The following INPP5A variants were observed in gnomAD, a reference collection of about 807,000 sequenced individuals.
The protein encoded by INPP5A is 43 kDa inositol polyphosphate 5-phophatase.
In INPP5A, 14 loss-of-function variants were observed where a neutral mutation model predicts 65.2. The ratio of observed to expected loss-of-function variants is 0.21; its 90% CI spans 0.14 to 0.34. The LOEUF (loss-of-function observed/expected upper bound fraction) is 0.34, where lower values mean the gene tolerates loss of function less well. Among genes scored for constraint, INPP5A ranks in the 10% least tolerant of loss-of-function variants. INPP5A has a pLI of 1.00. For synonymous variants in INPP5A, 207 were observed against 208.3 expected, an observed-to-expected ratio of 0.99 and a Z score of 0.05; for missense variants, 431 against 545.6, an observed-to-expected ratio of 0.79 and a Z score of 2.09.
chr10:132,578,545 G>T, intron 1 of INPP5A, among the ~76,000 whole-genome samples: 1 of 147,068 alleles, frequency 6.8e-6, no homozygotes, highest in Non-Finnish European at 1.5e-5. Flanking sequence ...ATCCAGGAGA[G>T]TGTGCGGGGA....
In INPP5A at chr10:132,749,546, G is replaced by T; in HGVS notation, c.762G>T (p.Thr254=). The T allele has an allele frequency of 1.9e-6, 3 of 1,612,980 alleles. No individual in the cohort carries two copies. The highest frequency in any genetic ancestry group is 2.5e-6 in the Non-Finnish European group (3 of 1,180,010). Residue 254 remains threonine, a synonymous_variant, in exon 10 of 16, where the codon ACG becomes ACT. Coordinates refer to ENST00000368594, the MANE Select transcript of INPP5A (RefSeq NM_005539.5). ...ETLCTKATMQ[T]VRAADTNEVV... Reference sequence around the variant, plus strand: ...TCTGCACAAAAGCCACCATGCAGACGGTCCGGGCCGCCGACACCAATGAAG... The same window carrying T: ...TCTGCACAAAAGCCACCATGCAGACTGTCCGGGCCGCCGACACCAATGAAG...
intron 4 of INPP5A, among the ~76,000 whole-genome samples, chr10:132,684,536 G>A (rs2073091471): frequency 6.6e-6 from 1 of 152,190 alleles, no homozygotes; most frequent in African/African-American, 2.4e-5. Flanking sequence ...GTGAGGGTGT[G>A]GGGTTGTAAG....
intron 12 of INPP5A, among the ~76,000 whole-genome samples, chr10:132,776,661 G>T (rs1380417754): frequency 6.6e-6 from 1 of 152,328 alleles, no homozygotes; most frequent in South Asian, 2.1e-4. Flanking sequence ...AGGACCCCCG[G>T]GGTTCGTTCA....
chr10:132,552,783 G>T (rs1425863119), intron 1 of INPP5A, among the ~76,000 whole-genome samples: 2 of 112,810 alleles, frequency 1.8e-5, no homozygotes, highest in Admixed American at 9.3e-5. Flanking sequence ...GGGAATATTG[G>T]GTAGGATAGG....
intron 8 of INPP5A, among the ~76,000 whole-genome samples, chr10:132,724,524 C>G (rs780594640): frequency 1.3e-4 from 20 of 152,206 alleles, no homozygotes; most frequent in Non-Finnish European, 2.8e-4. Flanking sequence ...AAAGGCCAGC[C>G]CCAGGCCAGC....
chr10:132,670,644 C>T (rs2072877853), intron 4 of INPP5A, among the ~76,000 whole-genome samples: 2 of 151,804 alleles, frequency 1.3e-5, no homozygotes, highest in Middle Eastern at 3.4e-3. Flanking sequence ...ACCCTGCCTG[C>T]GCGCATCCCT....
chr10:132,772,836 C>T (rs1161378953), intron 12 of INPP5A, among the ~76,000 whole-genome samples: 1 of 22,584 alleles, frequency 4.4e-5, no homozygotes, highest in Non-Finnish European at 8.3e-5. Flanking sequence ...CCACGGCAGC[C>T]GCCCCACGAA....
rs1021418872 is a variant in INPP5A, at chr10:132,659,326, T to C, written c.306+8821T>C. On this transcript the variant is annotated intron_variant, in intron 4 of 15. Transcript: ENST00000368594. The surrounding 1 kb of genome is among the most constrained non-coding windows in gnomAD (Gnocchi z 5.5). The stretch of plus-strand genomic sequence containing the variant: ...GAACTGGAAAGATGGAGAGCTGCCA[T>C]TGGCCCGTAGCTCTGGGGCTGGTCC... Among the ~76,000 whole-genome samples, 72 of 152,190 alleles carry C rather than the reference T, an allele frequency of 4.7e-4. No individual in the cohort carries two copies. Among genetic ancestry groups the C allele is most frequent in the African/African-American group, 1.4e-3 (57 of 41,440 alleles).
At chr10:132,725,650 C>G (rs1173167885) in intron 8 of INPP5A, among the ~76,000 whole-genome samples, 2 of 152,212 alleles carry the variant, frequency 1.3e-5, no homozygotes, top group African/African-American at 4.8e-5. Flanking sequence ...GCACAGTGCT[C>G]CCAGCAGTGA....
At chr10:132,758,447 G>C (rs12778176) in intron 11 of INPP5A, among the ~76,000 whole-genome samples, 1 of 150,404 alleles carries the variant, frequency 6.6e-6, no homozygotes, top group Admixed American at 6.6e-5. Flanking sequence ...GACCCCACAG[G>C]CCAGTGCGAT....
At chr10:132,774,542 C>T (rs1847011250) in intron 12 of INPP5A, among the ~76,000 whole-genome samples, 1 of 152,212 alleles carries the variant, frequency 6.6e-6, no homozygotes, top group South Asian at 2.1e-4. Context: ...AAGCCGTGGG[C>T]CCCCACCCAG....
rs575015291 is a variant in INPP5A at position 132,667,909 on chromosome 10, A to G, written c.306+17404A>G. ...TTTGGGAGGCATTTGCAGGTTATTC[A>G]TTCGCCGCCATGCACCAATTCTCCA... is the stretch of plus-strand genomic sequence containing the variant. On this transcript the variant is annotated intron_variant, in intron 4 of 15. Coordinates refer to ENST00000368594, the MANE Select transcript of INPP5A (RefSeq NM_005539.5). Among the ~76,000 whole-genome samples the G allele has an allele frequency of 2.4e-3, 371 of 152,292 alleles. 3 individuals are homozygous for G. The highest frequency in any genetic ancestry group is 8.0e-3 in the African/African-American group (333 of 41,548).
chr10:132,562,837 C>G (rs959643302), intron 1 of INPP5A, among the ~76,000 whole-genome samples: 1 of 152,220 alleles, frequency 6.6e-6, no homozygotes, highest in Non-Finnish European at 1.5e-5. Context: ...AGGGACAGAG[C>G]CTTGAGCTTG....
At chr10:132,569,268 A>AT (rs1387582045) in intron 1 of INPP5A, among the ~76,000 whole-genome samples, 13 of 152,298 alleles carry the variant, frequency 8.5e-5, no homozygotes, top group Non-Finnish European at 1.6e-4. Context: ...AATAATAAAA[A>AT]TTTTATCTCA....
chr10:132,636,282 C>T (rs527357704), intron 2 of INPP5A, among the ~76,000 whole-genome samples: 49 of 152,116 alleles, frequency 3.2e-4, no homozygotes, highest in Admixed American at 2.6e-3. Flanking sequence ...ACTTGCTTTA[C>T]TTCTTCCGTG....
rs913614378 is a variant in INPP5A, at chr10:132,759,543, C to T, written c.904-6230C>T. 1.2e-4 allele frequency among the ~76,000 whole-genome samples: 19 copies of T among 152,244 alleles called. No homozygotes were observed. The East Asian group carries it at 1.7e-3, about 14-fold the overall frequency. ...TCGCTCGCTGCTGTGCTGTGGTAGCCGGAGGGGCCCAGCATCGGAAGTTCC... is the reference window on the plus strand; with the variant it reads ...TCGCTCGCTGCTGTGCTGTGGTAGCTGGAGGGGCCCAGCATCGGAAGTTCC... On this transcript the variant is annotated intron_variant, in intron 11 of 15. Transcript: ENST00000368594.
chr10:132,781,772 C>A, intron 14 of INPP5A, 89 bp from the exon 15 acceptor site: 2 of 1,082,224 alleles, frequency 1.8e-6, no homozygotes, highest in Non-Finnish European at 2.8e-6. Flanking sequence ...TGGTGAGACG[C>A]AGGGTCTGGG....
In INPP5A at chr10:132,674,540, G is replaced by A. The variant is rs888758972; in HGVS notation, c.307-15852G>A. Among the ~76,000 whole-genome samples the A allele has an allele frequency of 3.3e-5, 5 of 152,178 alleles. No individual in the cohort carries two copies. Among genetic ancestry groups the A allele is most frequent in the African/African-American group, 4.8e-5 (2 of 41,430 alleles). ...ATAGGGAACTTCCCATGAGGCCATC[G>A]GTGCAGGCTGGGGGAGAGAAGGGAG... On this transcript the variant is annotated intron_variant, in intron 4 of 15. Coordinates refer to ENST00000368594, the MANE Select transcript of INPP5A (RefSeq NM_005539.5). This position sits in a 1 kb window ranked among gnomAD's most constrained non-coding sequence, Gnocchi z 4.4.
chr10:132,708,425 A>G (rs2134524993), intron 7 of INPP5A, 60 bp downstream of exon 7: 3 of 1,523,896 alleles, frequency 2.0e-6, no homozygotes, highest in East Asian at 2.2e-5. Flanking sequence ...TATATCTTGC[A>G]CCAGCGGCAT....
Sources: allele counts gnomAD v4.1 joint callset (sites outside exome capture counted in the v4.1 genomes callset), GRCh38; gene constraint gnomAD v4.1.1; non-coding constraint Gnocchi (gnomAD v3.1); transcripts MANE v1.5; gene names NCBI Gene and HGNC (gene_info 2026-07-23, HGNC 2026-07-21).